ZBTB38: variants seen among roughly 807,000 people sequenced by gnomAD.
The protein encoded by ZBTB38 is zinc finger and BTB domain containing 38, also known as zinc finger and BTB domain-containing protein 38.
ZBTB38 carries 20 observed loss-of-function variants against 76.8 expected under a neutral mutation model. That is an observed-to-expected ratio of 0.26 (90% CI 0.18 to 0.38). The LOEUF (loss-of-function observed/expected upper bound fraction) is 0.38, where lower values mean the gene tolerates loss of function less well. Among genes scored for constraint, ZBTB38 ranks in the 10% least tolerant of loss-of-function variants. The pLI is 1.00. For missense variants in ZBTB38, 1,082 were observed against 1,482.3 expected, an observed-to-expected ratio of 0.73 and a Z score of 4.43; for synonymous variants, 504 against 544.2, an observed-to-expected ratio of 0.93 and a Z score of 1.03.
intron 2 of ZBTB38, among the ~76,000 whole-genome samples, chr3:141,375,588 C>T (rs944029864): frequency 6.6e-6 from 1 of 152,246 alleles, no homozygotes; most frequent in East Asian, 1.9e-4. Flanking sequence ...GGACAGAGGG[C>T]AGCCGTGCAG....
intron 5 of ZBTB38, among the ~76,000 whole-genome samples, chr3:141,429,098 G>A (rs148811189): frequency 6.6e-6 from 1 of 152,084 alleles, no homozygotes; most frequent in African/African-American, 2.4e-5. Context: ...ACTCTTATGG[G>A]GCTTACATTT....
chr3:141,325,262 A>C (rs189422762), intron 1 of ZBTB38, among the ~76,000 whole-genome samples: 1 of 152,254 alleles, frequency 6.6e-6, no homozygotes, highest in African/African-American at 2.4e-5. Context: ...AGGCTCAAAA[A>C]TATTTAATTG....
intron 1 of ZBTB38, among the ~76,000 whole-genome samples, chr3:141,337,559 A>G (rs1943050789): frequency 6.6e-6 from 1 of 152,238 alleles, no homozygotes; most frequent in Non-Finnish European, 1.5e-5. Context: ...GTAAACACAG[A>G]TCTCTGAGCC....
intron 4 of ZBTB38, chr3:141,403,097 C>T (rs997747224): frequency 4.6e-5 from 7 of 152,212 alleles, no homozygotes; most frequent in African/African-American, 1.7e-4. Flanking sequence ...CATCATAAAT[C>T]ACCTGAGATT....
chr3:141,425,012 TA>T (rs2150294416), intron 5 of ZBTB38, among the ~76,000 whole-genome samples: 1 of 152,348 alleles, frequency 6.6e-6, no homozygotes, highest in South Asian at 2.1e-4. Context: ...TATCTTCTAT[TA>T]TTAGCTCCCA....
chr3:141,434,712 A>G (rs950807692), intron 5 of ZBTB38, among the ~76,000 whole-genome samples: 3 of 152,178 alleles, frequency 2.0e-5, no homozygotes, highest in Non-Finnish European at 2.9e-5. Flanking sequence ...CATTTATATA[A>G]AGTCTAATTA....
At chr3:141,423,642 C>G (rs189145552) in intron 5 of ZBTB38, among the ~76,000 whole-genome samples, 1 of 152,308 alleles carries the variant, frequency 6.6e-6, no homozygotes, top group Admixed American at 6.5e-5. Context: ...GAACTATCAA[C>G]TACATTTGAC....
In ZBTB38 at chr3:141,371,045, C is replaced by CTT. The variant is rs754872291; in HGVS notation, c.-235+1124_-235+1125dup. Among the ~76,000 whole-genome samples, 153 of 72,002 alleles carry CTT rather than the reference C, an allele frequency of 2.1e-3. 18 individuals carry two copies. The highest frequency in any genetic ancestry group is 7.1e-3 in the African/African-American group (91 of 12,850). 47.2% of individuals were successfully genotyped at this position (72,002 alleles called of 152,430 possible). On this transcript the variant is annotated intron_variant, in intron 2 of 5. Coordinates refer to ENST00000321464, the MANE Select transcript of ZBTB38 (RefSeq NM_001376113.1). The stretch of plus-strand genomic sequence containing the variant: ...GTTTTTTCTTTTCTTTTCTTTCTTT[C>CTT]TTTTTTTTTTTTTTTTTTTTTTTTT...
intron 5 of ZBTB38, among the ~76,000 whole-genome samples, chr3:141,409,572 C>T (rs922533855): frequency 1.2e-4 from 19 of 152,186 alleles, no homozygotes; most frequent in Non-Finnish European, 2.5e-4. Flanking sequence ...TGAATTTGTT[C>T]AGCAAATATT....
rs1311931414 is a variant in ZBTB38 at position 141,444,392 on chromosome 3, T to C, written c.2004T>C (p.Phe668=). The stretch of plus-strand genomic sequence containing the variant: ...TGAAAATGGATCTTGACAATAACTT[T>C]TATTCAACTGAGGTGTCAGTTTCTT... The part of the protein sequence containing the change: ...EALKMDLDNN[F]YSTEVSVSST... The change falls in exon 6 of 6, where the codon TTT becomes TTC. Residue 668 remains phenylalanine (F), a synonymous_variant. Coordinates refer to ENST00000321464, the MANE Select transcript of ZBTB38 (RefSeq NM_001376113.1). The surrounding 1 kb of genome is among the most constrained non-coding windows in gnomAD (Gnocchi z 5.1). 1 of 1,613,972 alleles carries C rather than the reference T, an allele frequency of 6.2e-7. No individual in the cohort carries two copies. Among genetic ancestry groups the C allele is most frequent in the Non-Finnish European group, 8.5e-7 (1 of 1,180,052 alleles).
At chr3:141,325,186 G>A (rs1942636382) in intron 1 of ZBTB38, among the ~76,000 whole-genome samples, 1 of 152,188 alleles carries the variant, frequency 6.6e-6, no homozygotes, top group Admixed American at 6.5e-5. Flanking sequence ...ATGATACACT[G>A]AGGAAATTTA....
rs760994636 is a variant in ZBTB38, at chr3:141,443,496, C to G, written c.1108C>G (p.Pro370Ala). 6 of 1,614,060 alleles carry G rather than the reference C, an allele frequency of 3.7e-6. No homozygotes were observed. The highest frequency in any genetic ancestry group is 1.3e-5 in the African/African-American group (1 of 74,914). The part of the protein sequence containing the change: ...HMQLHKPTQE[P>A]LVCKYCNKQF... The stretch of plus-strand genomic sequence containing the variant: ...GCAGCTTCACAAGCCAACCCAGGAG[C>G]CTTTAGTGTGCAAGTATTGCAACAA... The change falls in exon 6 of 6, where the codon CCT becomes GCT. Residue 370 changes from proline to alanine, a missense_variant. Pro to Ala is a conservative substitution (Grantham distance 27). Transcript: ENST00000321464. This position sits in a 1 kb window ranked among gnomAD's most constrained non-coding sequence, Gnocchi z 5.6.
intron 5 of ZBTB38, among the ~76,000 whole-genome samples, chr3:141,431,341 A>AAATATATATATATATATATAT: frequency 1.9e-5 from 2 of 103,294 alleles, no homozygotes; most frequent in African/African-American, 1.2e-4. Context: ...AAAAAAAAAA[A>AAATATATATATATATATATAT]ATATATATAT....
chr3:141,428,913 A>G (rs1026206743), intron 5 of ZBTB38, among the ~76,000 whole-genome samples: 1 of 152,232 alleles, frequency 6.6e-6, no homozygotes, highest in Admixed American at 6.5e-5. Flanking sequence ...CAGACAGATG[A>G]AAATTGTAAT....
chr3:141,331,386 T>A (rs1395888813), intron 1 of ZBTB38, among the ~76,000 whole-genome samples: 1 of 152,202 alleles, frequency 6.6e-6, no homozygotes. Context: ...GAGACAGAGC[T>A]GGCTAGCCCT....
rs2080708560 is a variant in ZBTB38, at chr3:141,443,716, CT to C, written c.1331del (p.Leu444CysfsTer27). ...GGTGAATTTTCCAGTACCGGAAGTA[CT>C]TTGCCAGACACGGACCACATGGTTA... is the stretch of plus-strand genomic sequence containing the variant. ...RIGEFSSTGS[T>X]LPDTDHMVKF... On this transcript the variant is annotated frameshift_variant, in exon 6 of 6. Transcript: ENST00000321464. LOFTEE classifies it high-confidence loss of function. The surrounding 1 kb of genome is among the most constrained non-coding windows in gnomAD (Gnocchi z 5.6). The C allele has an allele frequency of 6.2e-7, 1 of 1,613,908 alleles. No homozygotes were observed. The highest frequency in any genetic ancestry group is 1.7e-5 in the Admixed American group (1 of 60,012).
intron 5 of ZBTB38, among the ~76,000 whole-genome samples, chr3:141,422,114 C>G (rs2075515571): frequency 6.6e-6 from 1 of 152,244 alleles, no homozygotes; most frequent in Admixed American, 6.5e-5. Flanking sequence ...TTTTATGACT[C>G]TAGCCTCCTT....
At chr3:141,340,123 C>T (rs1943129525) in intron 1 of ZBTB38, among the ~76,000 whole-genome samples, 1 of 152,124 alleles carries the variant, frequency 6.6e-6, no homozygotes, top group Admixed American at 6.5e-5. Flanking sequence ...TAGAGATGAC[C>T]AAGTACAAAT....
intron 4 of ZBTB38, among the ~76,000 whole-genome samples, chr3:141,400,976 G>A (rs1951753569): frequency 1.3e-5 from 2 of 152,266 alleles, no homozygotes; most frequent in South Asian, 2.1e-4. Context: ...CTGCATACTA[G>A]CACTTCCCAA....
Sources: gnomAD v4.1 joint callset for allele counts (sites outside exome capture counted in the v4.1 genomes callset) on GRCh38, gnomAD v4.1.1 for gene constraint, Gnocchi (gnomAD v3.1) non-coding constraint, MANE v1.5 for transcripts, NCBI Gene and HGNC (gene_info 2026-07-23, HGNC 2026-07-21) for gene names.